MTHFD1L: variants seen among roughly 807,000 people sequenced by gnomAD.
MTHFD1L encodes monofunctional C1-tetrahydrofolate synthase, mitochondrial.
Under a neutral mutation model 119.5 loss-of-function variants are expected in MTHFD1L, and 81 were observed. The ratio of observed to expected loss-of-function variants is 0.68; its 90% CI spans 0.57 to 0.82. The LOEUF (loss-of-function observed/expected upper bound fraction) is 0.82. Among genes scored for constraint, MTHFD1L ranks in the 40% least tolerant of loss-of-function variants. MTHFD1L has a pLI of 0.00. For missense variants in MTHFD1L, 1,125 were observed against 1,253.4 expected (o/e 0.90, Z 1.55); for synonymous variants, 430 against 475.2 (o/e 0.90, Z 1.24).
chr6:151,061,936 A>T (rs78735383), intron 26 of MTHFD1L, among the ~76,000 whole-genome samples: 4,926 of 152,320 alleles, frequency 0.032, 159 homozygotes, highest in Admixed American at 0.1. Flanking sequence ...TGTTCATAAA[A>T]GAACAAAATG....
intron 16 of MTHFD1L, among the ~76,000 whole-genome samples, chr6:150,951,054 T>G (rs1794801584): frequency 6.6e-6 from 1 of 150,496 alleles, no homozygotes; most frequent in Non-Finnish European, 1.5e-5. Context: ...GTTTTTTTTT[T>G]GAGACAGGGC....
intron 20 of MTHFD1L, among the ~76,000 whole-genome samples, chr6:151,005,340 C>T (rs1487348729): frequency 1.3e-5 from 2 of 152,060 alleles, no homozygotes; most frequent in African/African-American, 4.8e-5. Flanking sequence ...ATACCTTTTC[C>T]ATGTTCTGTT....
At chr6:151,004,555 C>T (rs537628988) in intron 20 of MTHFD1L, among the ~76,000 whole-genome samples, 6 of 152,280 alleles carry the variant, frequency 3.9e-5, no homozygotes, top group Admixed American at 2.0e-4. Flanking sequence ...TGGCCGCACC[C>T]GTGGATGATC....
chr6:150,887,078 C>G (rs2128774573), intron 6 of MTHFD1L, among the ~76,000 whole-genome samples: 1 of 151,754 alleles, frequency 6.6e-6, no homozygotes, highest in Middle Eastern at 3.4e-3. Context: ...AAGCAAATGC[C>G]CCTCCCTACC....
chr6:151,089,762 A>G (rs1794209583), intron 26 of MTHFD1L, among the ~76,000 whole-genome samples: 1 of 152,254 alleles, frequency 6.6e-6, no homozygotes, highest in Admixed American at 6.5e-5. Flanking sequence ...GTAGTAGAAC[A>G]GTATAAGTGT....
intron 19 of MTHFD1L, among the ~76,000 whole-genome samples, chr6:150,969,778 A>G (rs1488857367): frequency 6.6e-5 from 10 of 152,224 alleles, no homozygotes; most frequent in African/African-American, 2.4e-4. Flanking sequence ...AGATGATTAT[A>G]TGGACTTGGG....
At chr6:151,084,433 G>C (rs1793522105) in intron 26 of MTHFD1L, among the ~76,000 whole-genome samples, 1 of 152,090 alleles carries the variant, frequency 6.6e-6, no homozygotes, top group Admixed American at 6.5e-5. Context: ...GTAATACCTG[G>C]GGTCGGGGCT....
intron 4 of MTHFD1L, 46 bp downstream of exon 4, chr6:150,877,872 A>C: frequency 6.2e-7 from 1 of 1,606,806 alleles, no homozygotes; most frequent in Non-Finnish European, 8.5e-7. Flanking sequence ...TTTCCTCTTG[A>C]GACTTAATAG....
chr6:150,873,690 A>T (rs1191851137), intron 1 of MTHFD1L, among the ~76,000 whole-genome samples: 2 of 151,744 alleles, frequency 1.3e-5, no homozygotes, highest in African/African-American at 4.8e-5. Context: ...TTTTTTTGAG[A>T]CAGAGTCTCG....
At chr6:151,009,540 A>G (rs1256641334) in intron 20 of MTHFD1L, among the ~76,000 whole-genome samples, 1 of 152,144 alleles carries the variant, frequency 6.6e-6, no homozygotes, top group Non-Finnish European at 1.5e-5. Flanking sequence ...TCTCCAAAAA[A>G]AAAAGCTTCA....
intron 14 of MTHFD1L, among the ~76,000 whole-genome samples, chr6:150,945,126 T>C (rs1793720407): frequency 6.6e-6 from 1 of 152,244 alleles, no homozygotes; most frequent in Admixed American, 6.5e-5. Context: ...TTCTGGCACA[T>C]TTTACAACAA....
At chr6:151,077,924 G>A (rs1389357748) in intron 26 of MTHFD1L, among the ~76,000 whole-genome samples, 1 of 150,706 alleles carries the variant, frequency 6.6e-6, no homozygotes, top group Non-Finnish European at 1.5e-5. Context: ...GGTGGCAGGC[G>A]CCTGTAGCCC....
intron 8 of MTHFD1L, among the ~76,000 whole-genome samples, chr6:150,916,160 A>G (rs1465338736): frequency 6.6e-6 from 1 of 152,190 alleles, no homozygotes; most frequent in Non-Finnish European, 1.5e-5. Flanking sequence ...CCAAAGAAGG[A>G]GAAAATAGTG....
At chr6:151,028,528 T>C (rs1436065226) in intron 24 of MTHFD1L, among the ~76,000 whole-genome samples, 1 of 152,070 alleles carries the variant, frequency 6.6e-6, no homozygotes, top group East Asian at 1.9e-4. Context: ...CTTGAGAACA[T>C]TATGCTAAAT....
chr6:151,064,399 G>GC (rs952265579), intron 26 of MTHFD1L, among the ~76,000 whole-genome samples: 3 of 150,844 alleles, frequency 2.0e-5, no homozygotes, highest in Non-Finnish European at 3.0e-5. Context: ...TGCAACCTCC[G>GC]CCCCCCCGGA....
At chr6:151,085,555 G>A (rs956384068) in intron 26 of MTHFD1L, among the ~76,000 whole-genome samples, 1 of 152,316 alleles carries the variant, frequency 6.6e-6, no homozygotes, top group South Asian at 2.1e-4. Context: ...TGGATCACCT[G>A]AGGTCAGGAG....
intron 8 of MTHFD1L, 121 bp from the exon 9 acceptor site, chr6:150,918,456 C>A: frequency 1.3e-6 from 1 of 746,582 alleles, no homozygotes; most frequent in Non-Finnish European, 2.4e-6. Flanking sequence ...CGTGCCCCGA[C>A]ATCCTAACTT....
chr6:150,968,533 G>T (rs564682288), intron 19 of MTHFD1L, among the ~76,000 whole-genome samples: 2 of 151,898 alleles, frequency 1.3e-5, no homozygotes, highest in Non-Finnish European at 2.9e-5. Flanking sequence ...TTTTTGAGAC[G>T]GAGTCTCTCC....
chr6:151,045,396 CT>C (rs1403032255), intron 26 of MTHFD1L, among the ~76,000 whole-genome samples: 6 of 152,116 alleles, frequency 3.9e-5, no homozygotes, highest in African/African-American at 9.7e-5. Context: ...TCACACATCC[CT>C]TTTTCCCCCT....
Sources: gnomAD v4.1 joint callset for allele counts (sites outside exome capture counted in the v4.1 genomes callset) on GRCh38, gnomAD v4.1.1 for gene constraint, MANE v1.5 for transcripts, NCBI Gene and HGNC (gene_info 2026-07-23, HGNC 2026-07-21) for gene names.